The following HIVEP3 variants were observed in gnomAD, a reference collection of about 807,000 sequenced individuals.
HIVEP3 encodes the protein transcription factor HIVEP3.
Under a neutral mutation model 152.8 loss-of-function variants are expected in HIVEP3, and 49 were observed. The ratio of observed to expected loss-of-function variants is 0.32; its 90% CI spans 0.26 to 0.41. The LOEUF (loss-of-function observed/expected upper bound fraction) is 0.41, where lower values mean the gene tolerates loss of function less well. Among genes scored for constraint, HIVEP3 ranks in the 10% least tolerant of loss-of-function variants. HIVEP3 has a pLI of 1.00. For synonymous variants in HIVEP3, 1,269 were observed against 1,289.0 expected (o/e 0.98, Z 0.33); for missense variants, 2,790 against 3,103.3 (o/e 0.90, Z 2.40).
intron 1 of HIVEP3, among the ~76,000 whole-genome samples, chr1:41,738,810 G>T (rs947792527): frequency 5.3e-5 from 8 of 151,152 alleles, no homozygotes; most frequent in African/African-American, 1.9e-4. Flanking sequence ...CACCATAAAT[G>T]CCCGCCTCCC....
chr1:41,845,417 ACG>A lies in HIVEP3; in HGVS notation c.-801+72994_-801+72995del, dbSNP rs1206852276. On this transcript the variant is annotated intron_variant, in intron 1 of 8. Coordinates refer to ENST00000372583, the MANE Select transcript of HIVEP3 (RefSeq NM_024503.5). ...ACACACCTCCTATACACACACACAC[ACG>A]CACACACACACACACACACACACAC... Among the ~76,000 whole-genome samples, 93 of 90,890 alleles carry A rather than the reference ACG, an allele frequency of 1.0e-3. 1 individual carries two copies. The highest frequency in any genetic ancestry group is 5.4e-3 in the Middle Eastern group (1 of 184). The allele number at this position is 90,890 out of a possible 152,430, so 59.6% of individuals were successfully genotyped here. A position where few individuals can be genotyped will look rare whatever the true frequency, so the allele number is the denominator to read the frequency against.
intron 1 of HIVEP3, among the ~76,000 whole-genome samples, chr1:41,758,138 G>GGT (rs1647437465): frequency 6.6e-6 from 1 of 152,098 alleles, no homozygotes; most frequent in African/African-American, 2.4e-5. Context: ...AGGTGGGGGT[G>GGT]GTGCAGTTGG....
intron 1 of HIVEP3, among the ~76,000 whole-genome samples, chr1:41,929,749 T>TAC (rs1644987249): frequency 6.9e-6 from 1 of 144,906 alleles, no homozygotes; most frequent in Non-Finnish European, 1.5e-5. Flanking sequence ...TATATATATA[T>TAC]ATATGTTTAA....
intron 1 of HIVEP3, among the ~76,000 whole-genome samples, chr1:41,833,644 G>A (rs954405948): frequency 1.3e-5 from 2 of 152,140 alleles, no homozygotes; most frequent in Non-Finnish European, 2.9e-5. Flanking sequence ...AGGGCTCAAG[G>A]AGGAGCTGGA....
At chr1:41,585,973 C>T (rs914953996) in intron 3 of HIVEP3, among the ~76,000 whole-genome samples, 1 of 152,180 alleles carries the variant, frequency 6.6e-6, no homozygotes, top group African/African-American at 2.4e-5. Flanking sequence ...CTAACCCGCA[C>T]CCCAGCCCAT....
intron 1 of HIVEP3, among the ~76,000 whole-genome samples, chr1:41,951,622 G>T (rs530490475): frequency 6.6e-6 from 1 of 152,204 alleles, no homozygotes; most frequent in Admixed American, 6.5e-5. Context: ...ATCAAGAAAA[G>T]AGTTTCAATT....
At chr1:42,023,011 A>C (rs1196233660) in intron 1 of HIVEP3, among the ~76,000 whole-genome samples, 1 of 151,950 alleles carries the variant, frequency 6.6e-6, no homozygotes, top group East Asian at 1.9e-4. Context: ...AGTGTAATAA[A>C]TTTTCTCAGC....
chr1:41,620,632 C>T (rs1194808429), intron 3 of HIVEP3, among the ~76,000 whole-genome samples: 1 of 152,160 alleles, frequency 6.6e-6, no homozygotes, highest in African/African-American at 2.4e-5. Flanking sequence ...CAGCACGCCC[C>T]AATCCTGCAT....
At chr1:41,677,413 T>C (rs1366504485) in intron 2 of HIVEP3, among the ~76,000 whole-genome samples, 2 of 152,240 alleles carry the variant, frequency 1.3e-5, no homozygotes, top group Admixed American at 1.3e-4. Flanking sequence ...AGCTCTGCCG[T>C]GCACCAGCGG....
In HIVEP3 at chr1:41,697,894, G is replaced by A. The variant is rs760846723; in HGVS notation, c.-721+3022C>T. Among the ~76,000 whole-genome samples the A allele has an allele frequency of 9.7e-4, 148 of 152,272 alleles. No individual in the cohort carries two copies. The Middle Eastern group carries it at 0.01, about 10-fold the overall frequency. ...AGGTGCCTCTAGTGCTCAGAGAAAGGCTACCCAGGGTCATTCAAGCATAGA... is the reference window on the plus strand; with the variant it reads ...AGGTGCCTCTAGTGCTCAGAGAAAGACTACCCAGGGTCATTCAAGCATAGA... On this transcript the variant is annotated intron_variant, in intron 2 of 8. Transcript: ENST00000372583.
chr1:41,871,138 T>C (rs942659598), intron 1 of HIVEP3, among the ~76,000 whole-genome samples: 1 of 152,200 alleles, frequency 6.6e-6, no homozygotes, highest in African/African-American at 2.4e-5. Flanking sequence ...TCTCCAAGAT[T>C]TCCTATTACA....
At chr1:41,706,755 G>A (rs1646439629) in intron 1 of HIVEP3, among the ~76,000 whole-genome samples, 1 of 152,178 alleles carries the variant, frequency 6.6e-6, no homozygotes, top group Non-Finnish European at 1.5e-5. Flanking sequence ...AGTCACCAGG[G>A]TCTTTGTTTC....
At chr1:41,607,080 T>A (rs1644832137) in intron 3 of HIVEP3, among the ~76,000 whole-genome samples, 1 of 152,172 alleles carries the variant, frequency 6.6e-6, no homozygotes, top group African/African-American at 2.4e-5. Flanking sequence ...CACCTCAGCC[T>A]CTCAAAGTGC....
chr1:41,757,976 T>C (rs1437919198), intron 1 of HIVEP3, among the ~76,000 whole-genome samples: 1 of 152,232 alleles, frequency 6.6e-6, no homozygotes, highest in Non-Finnish European at 1.5e-5. Context: ...CCTCCCAAAG[T>C]GCTGAGATTA....
At chr1:41,773,364 A>G (rs778361724) in intron 1 of HIVEP3, among the ~76,000 whole-genome samples, 1 of 152,226 alleles carries the variant, frequency 6.6e-6, no homozygotes, top group Non-Finnish European at 1.5e-5. Context: ...GAATAAAAAC[A>G]TCACACAGGG....
chr1:41,645,273 C>T (rs1330073532), intron 2 of HIVEP3, among the ~76,000 whole-genome samples: 1 of 152,126 alleles, frequency 6.6e-6, no homozygotes, highest in Non-Finnish European at 1.5e-5. Flanking sequence ...CTGAGACTCC[C>T]AAGGGAGGGC....
intron 1 of HIVEP3, among the ~76,000 whole-genome samples, chr1:41,757,620 T>C (rs573581763): frequency 4.4e-4 from 67 of 152,114 alleles, no homozygotes; most frequent in Non-Finnish European, 1.2e-4. Context: ...TATCTCAGAA[T>C]AGGGGAATGG....
intron 5 of HIVEP3, among the ~76,000 whole-genome samples, chr1:41,556,050 G>T (rs1643960935): frequency 6.6e-6 from 1 of 152,186 alleles, no homozygotes; most frequent in Non-Finnish European, 1.5e-5. Context: ...GGACACTGGG[G>T]TTGCTTCCAG....
At chr1:41,689,514 G>A (rs1184889988) in intron 2 of HIVEP3, among the ~76,000 whole-genome samples, 1 of 152,152 alleles carries the variant, frequency 6.6e-6, no homozygotes, top group African/African-American at 2.4e-5. Flanking sequence ...CATTTCACGG[G>A]AGAGAGTCCC....
Sources: allele counts gnomAD v4.1 joint callset (sites outside exome capture counted in the v4.1 genomes callset), GRCh38; gene constraint gnomAD v4.1.1; transcripts MANE v1.5; gene names NCBI Gene and HGNC (gene_info 2026-07-23, HGNC 2026-07-21).